Variants in GGTA1 observed in about 807,000 individuals in gnomAD.
GGTA1 encodes the protein inactive N-acetyllactosaminide alpha-1,3-galactosyltransferase.
GGTA1 carries 5 observed loss-of-function variants against 2.6 expected under a neutral mutation model. That is an observed-to-expected ratio of 1.92 (90% CI 1.00 to 4.04). GGTA1 has a LOEUF of 4.04. Ranked by LOEUF, GGTA1 falls within the 30% of genes most tolerant of loss-of-function variation. The pLI is 0.00. For missense variants in GGTA1, 50 were observed against 16.7 expected, an observed-to-expected ratio of 2.99 and a Z score of -3.47; for synonymous variants, 17 against 5.0, an observed-to-expected ratio of 3.38 and a Z score of -3.19.
At chr9:121,489,210 A>T (rs889715910) in intron 1 of GGTA1, among the ~76,000 whole-genome samples, 4 of 152,008 alleles carry the variant, frequency 2.6e-5, no homozygotes, top group African/African-American at 9.7e-5. Flanking sequence ...TTTTATATAT[A>T]TTTTTTTGAG....
intron 1 of GGTA1, among the ~76,000 whole-genome samples, chr9:121,493,748 CTTTTT>C (rs35465171): frequency 2.2e-4 from 8 of 36,556 alleles, no homozygotes; most frequent in African/African-American, 3.6e-4. Context: ...GACTCACTCT[CTTTTT>C]TTTTTTTTTT....
At chr9:121,472,471 A>G (rs1227510667) in intron 1 of GGTA1, among the ~76,000 whole-genome samples, 1 of 152,236 alleles carries the variant, frequency 6.6e-6, no homozygotes, top group East Asian at 1.9e-4. Context: ...GGAGGATGCA[A>G]TGAGATAGCA....
At chr9:121,488,193 T>C (rs1029703039) in intron 1 of GGTA1, among the ~76,000 whole-genome samples, 1 of 151,714 alleles carries the variant, frequency 6.6e-6, no homozygotes, top group African/African-American at 2.4e-5. Context: ...CAGGCTGGAG[T>C]GCAGTGGCTA....
At chr9:121,445,078 T>C (rs2064846786) in exon 8 of GGTA1, 1 of 152,192 alleles carries the variant, frequency 6.6e-6, no homozygotes, top group African/African-American at 2.4e-5. Context: ...AATTTGTCCA[T>C]TGGGGATTTA....
At chr9:121,453,522 T>C (rs1248863475), downstream of GGTA1, among the ~76,000 whole-genome samples, 2 of 152,172 alleles carry the variant, frequency 1.3e-5, no homozygotes, top group East Asian at 1.9e-4. Flanking sequence ...ATTTTCCCCG[T>C]TGGGAAGCAG....
chr9:121,452,026 C>A (rs995017907), downstream of GGTA1: 3 of 152,452 alleles, frequency 2.0e-5, no homozygotes, highest in Admixed American at 1.3e-4. Flanking sequence ...TGAAAACATT[C>A]TCCTATCTAA....
At chr9:121,469,999 G>A (rs564903881) in intron 1 of GGTA1, among the ~76,000 whole-genome samples, 1 of 152,270 alleles carries the variant, frequency 6.6e-6, no homozygotes, top group East Asian at 1.9e-4. Flanking sequence ...TCCCCTTGCT[G>A]CCTGTCTTCT....
At chr9:121,475,564 G>A (rs1046230168) in intron 1 of GGTA1, among the ~76,000 whole-genome samples, 1 of 152,154 alleles carries the variant, frequency 6.6e-6, no homozygotes, top group Non-Finnish European at 1.5e-5. Context: ...AGTAAGGAGA[G>A]TTCTGAGGCA....
At chr9:121,490,133 C>T (rs1003192912) in intron 1 of GGTA1, among the ~76,000 whole-genome samples, 7 of 152,156 alleles carry the variant, frequency 4.6e-5, no homozygotes, top group African/African-American at 1.7e-4. Flanking sequence ...TTCTCTTTCC[C>T]TCGAGGACAT....
chr9:121,457,712 A>AAAC (rs1554836292), intron 5 of GGTA1, among the ~76,000 whole-genome samples: 1 of 150,196 alleles, frequency 6.7e-6, no homozygotes, highest in East Asian at 2.0e-4. Flanking sequence ...AAAAAAAAAA[A>AAAC]AAAACAGTAT....
At chr9:121,478,764 T>C (rs1414097702) in intron 1 of GGTA1, among the ~76,000 whole-genome samples, 1 of 152,228 alleles carries the variant, frequency 6.6e-6, no homozygotes, top group Non-Finnish European at 1.5e-5. Context: ...AAGTATATCT[T>C]ACAGTGCTTT....
intron 1 of GGTA1, among the ~76,000 whole-genome samples, chr9:121,496,854 TCAAA>T (rs888618338): frequency 1.7e-4 from 25 of 150,252 alleles, no homozygotes; most frequent in Non-Finnish European, 3.2e-4. Context: ...AGACTCTGTC[TCAAA>T]CAAACAAAAA....
chr9:121,470,505 A>T (rs1004967726), intron 1 of GGTA1, among the ~76,000 whole-genome samples: 1 of 152,246 alleles, frequency 6.6e-6, no homozygotes, highest in Non-Finnish European at 1.5e-5. Context: ...CAACAGAGAT[A>T]TGGGCTAGAC....
At chr9:121,466,038 C>T (rs1319947691) in intron 2 of GGTA1, among the ~76,000 whole-genome samples, 2 of 152,112 alleles carry the variant, frequency 1.3e-5, no homozygotes, top group Non-Finnish European at 2.9e-5. Context: ...ACCTCAGCGT[C>T]GTAAGTAGCT....
chr9:121,469,225 A>G (rs1828329173), intron 1 of GGTA1, among the ~76,000 whole-genome samples: 1 of 152,220 alleles, frequency 6.6e-6, no homozygotes, highest in South Asian at 2.1e-4. Context: ...GTCGAGTCCC[A>G]AGGGATAAAG....
At chr9:121,468,416 T>C (rs1469157819) in intron 1 of GGTA1, among the ~76,000 whole-genome samples, 5 of 152,254 alleles carry the variant, frequency 3.3e-5, no homozygotes, top group African/African-American at 1.2e-4. Context: ...ATCCAGTCTA[T>C]CATTGATGGG....
rs578219707 is a variant in GGTA1 at position 121,449,267 on chromosome 9, G to A, written c.*119-1670C>T. On this transcript the variant is annotated intron_variant and NMD_transcript_variant, in intron 7 of 7. Coordinates refer to the GGTA1 transcript ENST00000481534. The stretch of plus-strand genomic sequence containing the variant: ...AAGCTTCTGTAAATATCCATGTGCA[G>A]GTTTTTTTGTAGACATAAGTTTTTA... Among the ~76,000 whole-genome samples, 10 of 152,332 alleles carry A rather than the reference G, an allele frequency of 6.6e-5. No individual in the cohort carries two copies. The East Asian group carries it at 1.9e-3, about 29-fold the overall frequency.
Position 121,461,267 on chromosome 9 carries a change from C to T in GGTA1, c.167G>A (p.Ser56Asn). 1 of 456,612 alleles carries T rather than the reference C, an allele frequency of 2.2e-6. No homozygotes were observed. Among genetic ancestry groups the T allele is most frequent in the South Asian group, 1.5e-5 (1 of 64,544 alleles). 28.3% of individuals were successfully genotyped at this position (456,612 alleles called of 1,614,324 possible). A position where few individuals can be genotyped will look rare whatever the true frequency, so the allele number is the denominator to read the frequency against. The change falls in exon 4 of 6, where the codon AGC (serine) becomes AAC (asparagine). Residue 56 changes from serine to asparagine, a missense_variant. Physicochemically the swap from Ser to Asn is conservative, Grantham distance 46. Coordinates refer to ENST00000481799, the MANE Select transcript of GGTA1 (RefSeq NM_001382585.1). ...ATCGCCTTACCCATTGTTAAACCAGCTCAGAAACCACCAGCCCTTCTGAGC... is the reference window on the plus strand; with the variant it reads ...ATCGCCTTACCCATTGTTAAACCAGTTCAGAAACCACCAGCCCTTCTGAGC... The part of the protein sequence containing the change: ...SSAQKGWWFL[S>N]WFNNGIHNYQ...
intron 2 of GGTA1, among the ~76,000 whole-genome samples, chr9:121,464,237 A>G (rs1285118318): frequency 1.3e-5 from 2 of 152,094 alleles, no homozygotes; most frequent in African/African-American, 4.8e-5. Context: ...AGTGCCTGGT[A>G]CATAGTGGAT....
Sources: gnomAD v4.1 joint callset for allele counts (sites outside exome capture counted in the v4.1 genomes callset) on GRCh38, gnomAD v4.1.1 for gene constraint, MANE v1.5 for transcripts, NCBI Gene and HGNC (gene_info 2026-07-23, HGNC 2026-07-21) for gene names.